The following TEX29 variants were observed in gnomAD, a reference collection of about 807,000 sequenced individuals.
The protein encoded by TEX29 is testis expressed 29.
In TEX29, 26 loss-of-function variants were observed where a neutral mutation model predicts 18.2. The ratio of observed to expected loss-of-function variants is 1.43; its 90% CI spans 1.04 to 1.98. The LOEUF (loss-of-function observed/expected upper bound fraction) is 1.98, where lower values mean the gene tolerates loss of function less well. TEX29 is among the 30% of genes most tolerant of loss of function. TEX29 has a pLI of 0.00. For missense variants in TEX29, 177 were observed against 194.2 expected (o/e 0.91, Z 0.53); for synonymous variants, 83 against 78.5 (o/e 1.06, Z -0.31).
intron 2 of TEX29, 81 bp downstream of exon 2, chr13:111,321,029 C>T: frequency 6.7e-7 from 1 of 1,482,190 alleles, no homozygotes; most frequent in South Asian, 1.2e-5. Flanking sequence ...GTTTGAGCCC[C>T]TGGCGCGGAC....
intron 2 of TEX29, among the ~76,000 whole-genome samples, chr13:111,325,403 C>T (rs1165173404): frequency 6.6e-6 from 1 of 151,856 alleles, no homozygotes; most frequent in African/African-American, 2.4e-5. Flanking sequence ...GCCGGGAGTC[C>T]AGTACCTGTG....
At chr13:111,343,541 CAT>C (rs772107166) in intron 5 of TEX29, among the ~76,000 whole-genome samples, 8 of 152,214 alleles carry the variant, frequency 5.3e-5, no homozygotes, top group Non-Finnish European at 1.2e-4. Context: ...GAAAGTTTCT[CAT>C]ATGTTGGTTT....
chr13:111,335,759 T>A (rs74855603), intron 3 of TEX29, among the ~76,000 whole-genome samples: 2,633 of 152,304 alleles, frequency 0.017, 31 homozygotes, highest in Admixed American at 0.023. Flanking sequence ...TGATTAGTGA[T>A]CCCAATTTCC....
chr13:111,318,684 G>A (rs2093658709), upstream of TEX29, among the ~76,000 whole-genome samples: 1 of 152,220 alleles, frequency 6.6e-6, no homozygotes, highest in Non-Finnish European at 1.5e-5. Context: ...GCCCAGGTTG[G>A]TGCCTGCTGT....
upstream of TEX29, among the ~76,000 whole-genome samples, chr13:111,317,437 G>T (rs753386837): frequency 1.2e-4 from 18 of 152,186 alleles, no homozygotes; most frequent in Non-Finnish European, 2.1e-4. Context: ...GTGCCCTGGT[G>T]CTCAGGGTGG....
intron 2 of TEX29, among the ~76,000 whole-genome samples, chr13:111,323,947 A>G (rs987612580): frequency 6.6e-6 from 1 of 152,228 alleles, no homozygotes; most frequent in African/African-American, 2.4e-5. Flanking sequence ...ATAACTTGAC[A>G]TGCAGCTTCA....
chr13:111,339,489 C>T (rs752762695), intron 3 of TEX29: 66 of 402,034 alleles, frequency 1.6e-4, no homozygotes, highest in South Asian at 4.3e-4. Flanking sequence ...CAGGAGCCAG[C>T]GCCGTCTCTC....
intron 4 of TEX29, 143 bp from the exon 5 acceptor site, chr13:111,342,613 A>G: frequency 1.4e-6 from 1 of 725,434 alleles, no homozygotes; most frequent in Non-Finnish European, 2.2e-6. Context: ...GAACTATTAC[A>G]TCAAAGCATT....
In TEX29 at chr13:111,320,832, C is replaced by T. The variant is rs757606975; in HGVS notation, c.-34-25C>T. On this transcript the variant is annotated intron_variant, in intron 1 of 5. Transcript: ENST00000283547. ...CAAACGACGTCCCCAGGGCCCCGCC[C>T]GTGCTGACCTCTCCTGTTTTCCAGG... 1.2e-5 allele frequency: 20 copies of T among 1,609,918 alleles called. No individual in the cohort carries two copies. The East Asian group carries it at 2.7e-4, about 22-fold the overall frequency.
chr13:111,323,572 GCTT>G (rs1263585127), intron 2 of TEX29, among the ~76,000 whole-genome samples: 1 of 152,210 alleles, frequency 6.6e-6, no homozygotes, highest in Admixed American at 6.5e-5. Context: ...CGAAGCCACT[GCTT>G]CTTCTCCACA....
chr13:111,319,425 G>A (rs2093659948), upstream of TEX29, among the ~76,000 whole-genome samples: 1 of 152,172 alleles, frequency 6.6e-6, no homozygotes, highest in Non-Finnish European at 1.5e-5. Context: ...CTACATAGCA[G>A]GTGAACCTTC....
Position 111,320,668 on chromosome 13 carries a change from C to T in TEX29, c.-129C>T. ...TAGTGAGCGGCAGACAGAGGGGTGG[C>T]CAGTTTGTTGTTTTACCTAAAAGGT... is the stretch of plus-strand genomic sequence containing the variant. On this transcript the variant is annotated 5_prime_UTR_variant, in exon 1 of 6. Transcript: ENST00000283547. 1.7e-6 allele frequency: 1 copy of T among 602,688 alleles called. No individual in the cohort carries two copies. The highest frequency in any genetic ancestry group is 3.0e-6 in the Non-Finnish European group (1 of 334,916). 37.3% of individuals were successfully genotyped at this position (602,688 alleles called of 1,614,324 possible).
intron 5 of TEX29, among the ~76,000 whole-genome samples, chr13:111,343,547 T>G (rs111624324): frequency 5.9e-5 from 9 of 152,338 alleles, no homozygotes; most frequent in African/African-American, 2.2e-4. Flanking sequence ...TTCTCATATG[T>G]TGGTTTACCT....
intron 3 of TEX29, among the ~76,000 whole-genome samples, chr13:111,333,648 C>T (rs141352222): frequency 1.2e-4 from 19 of 152,238 alleles, no homozygotes; most frequent in Middle Eastern, 3.4e-3. Flanking sequence ...TACCTAAGAC[C>T]GGGTAATTTA....
intron 3 of TEX29, among the ~76,000 whole-genome samples, chr13:111,329,826 GTCA>G (rs1243022078): frequency 6.6e-6 from 1 of 152,102 alleles, no homozygotes; most frequent in Non-Finnish European, 1.5e-5. Context: ...AGCGGGAGGT[GTCA>G]TCATCTTGAT....
chr13:111,331,728 T>C (rs912031856), intron 3 of TEX29, among the ~76,000 whole-genome samples: 2 of 152,228 alleles, frequency 1.3e-5, no homozygotes, highest in African/African-American at 4.8e-5. Flanking sequence ...TTGAGTTAAC[T>C]TTTGTATCTG....
chr13:111,324,001 A>G (rs750234684), intron 2 of TEX29, among the ~76,000 whole-genome samples: 14 of 152,116 alleles, frequency 9.2e-5, no homozygotes, highest in Non-Finnish European at 4.4e-5. Flanking sequence ...AGAGATTTTT[A>G]TGTTGTTTAT....
intron 3 of TEX29, 36 bp from the exon 4 acceptor site, chr13:111,339,827 T>C: frequency 1.2e-6 from 2 of 1,605,606 alleles, no homozygotes; most frequent in Non-Finnish European, 1.7e-6. Flanking sequence ...TCTATTTACC[T>C]GGATCGAAAT....
At chr13:111,335,355 G>A (rs2093688147) in intron 3 of TEX29, among the ~76,000 whole-genome samples, 2 of 152,166 alleles carry the variant, frequency 1.3e-5, no homozygotes, top group African/African-American at 4.8e-5. Context: ...AGATCTTTTT[G>A]GGTTCCAGGC....
Sources: gnomAD v4.1 joint callset for allele counts (sites outside exome capture counted in the v4.1 genomes callset) on GRCh38, gnomAD v4.1.1 for gene constraint, MANE v1.5 for transcripts, NCBI Gene and HGNC (gene_info 2026-07-23, HGNC 2026-07-21) for gene names.